TRABD2B: variants seen among roughly 807,000 people sequenced by gnomAD.
The protein encoded by TRABD2B is metalloprotease TIKI2.
TRABD2B carries 14 observed loss-of-function variants against 40.1 expected under a neutral mutation model. That is an observed-to-expected ratio of 0.35 (90% CI 0.23 to 0.55). The LOEUF (loss-of-function observed/expected upper bound fraction) is 0.55, where lower values mean the gene tolerates loss of function less well. TRABD2B is among the 20% of genes least tolerant of loss of function. TRABD2B has a pLI of 0.90. For missense variants in TRABD2B, 541 were observed against 648.6 expected (o/e 0.83, Z 1.80); for synonymous variants, 263 against 277.0 (o/e 0.95, Z 0.50).
intron 2 of TRABD2B, among the ~76,000 whole-genome samples, chr1:47,871,993 A>G (rs6659301): frequency 0.047 from 7,121 of 152,264 alleles, 303 homozygotes; most frequent in East Asian, 0.15. Context: ...GTCATCTTGC[A>G]TCTGCTCTGG....
At chr1:47,898,779 G>T (rs955575290) in intron 2 of TRABD2B, among the ~76,000 whole-genome samples, 1 of 152,138 alleles carries the variant, frequency 6.6e-6, no homozygotes, top group African/African-American at 2.4e-5. Context: ...GTTAAATGAT[G>T]TATGGATATA....
chr1:47,792,160 T>C (rs1262276320), intron 4 of TRABD2B, among the ~76,000 whole-genome samples: 2 of 152,232 alleles, frequency 1.3e-5, no homozygotes, highest in African/African-American at 4.8e-5. Flanking sequence ...AGTGGATTCA[T>C]GAGAGCGGAG....
At chr1:47,853,843 C>T (rs11211621) in intron 2 of TRABD2B, among the ~76,000 whole-genome samples, 48,633 of 152,138 alleles carry the variant, frequency 0.32, 8,104 homozygotes, top group Non-Finnish European at 0.37. Flanking sequence ...TCTTACTCTG[C>T]AATTATTCTC....
chr1:47,781,898 C>T (rs182112256), intron 4 of TRABD2B, among the ~76,000 whole-genome samples: 2 of 152,204 alleles, frequency 1.3e-5, no homozygotes, highest in East Asian at 1.9e-4. Context: ...CCAGTGCTCA[C>T]GACTCCATTC....
intron 4 of TRABD2B, among the ~76,000 whole-genome samples, chr1:47,792,249 A>G (rs1644685239): frequency 6.6e-6 from 1 of 152,102 alleles, no homozygotes; most frequent in Non-Finnish European, 1.5e-5. Context: ...AGGATGGGAG[A>G]CCCTGGTCAA....
At chr1:47,806,997 C>G (rs1569997242) in intron 2 of TRABD2B, among the ~76,000 whole-genome samples, 2 of 152,352 alleles carry the variant, frequency 1.3e-5, no homozygotes, top group South Asian at 2.1e-4. Context: ...TCCTGAGCAC[C>G]AGGCATTGTT....
chr1:47,930,934 G>C (rs1645032424), intron 2 of TRABD2B, among the ~76,000 whole-genome samples: 1 of 152,150 alleles, frequency 6.6e-6, no homozygotes, highest in Admixed American at 6.5e-5. Context: ...CTTCCTGATG[G>C]GAGCAATGTA....
Position 47,987,752 on chromosome 1 carries a change from G to A in TRABD2B, c.666+6282C>T, listed in dbSNP as rs547238596. On this transcript the variant is annotated intron_variant, in intron 2 of 6. Transcript: ENST00000606738. ...GCACATGCCCAGGGGTCCCTGCTAG[G>A]GGACACCCGGTGATGGACATTTGCT... Among the ~76,000 whole-genome samples, 8 of 152,306 alleles carry A rather than the reference G, an allele frequency of 5.3e-5. No individual in the cohort carries two copies. In the East Asian group the frequency reaches 1.2e-3, roughly 22 times the overall value.
chr1:47,848,627 A>C (rs771214180), intron 2 of TRABD2B, among the ~76,000 whole-genome samples: 1 of 152,230 alleles, frequency 6.6e-6, no homozygotes, highest in Non-Finnish European at 1.5e-5. Context: ...CAGCTTGCCC[A>C]TGACACAAAC....
At chr1:47,985,150 GT>G (rs1481413432) in intron 2 of TRABD2B, among the ~76,000 whole-genome samples, 1 of 152,210 alleles carries the variant, frequency 6.6e-6, no homozygotes, top group Admixed American at 6.5e-5. Context: ...CTACCCCAAG[GT>G]TACTTACACT....
chr1:47,819,311 C>G (rs12133158), intron 2 of TRABD2B: 34,542 of 152,288 alleles, frequency 0.23, 4,571 homozygotes, highest in South Asian at 0.47. Flanking sequence ...CCTGGAAAAG[C>G]GGGGCGCTTG....
chr1:47,799,594 T>C (rs1295643803), intron 3 of TRABD2B, among the ~76,000 whole-genome samples: 1 of 152,134 alleles, frequency 6.6e-6, no homozygotes, highest in Middle Eastern at 3.2e-3. Flanking sequence ...GGGACCAAGA[T>C]AGGCAGCACA....
At position 47,994,457 on chromosome 1, in the gene TRABD2B, A is replaced by C; in HGVS notation, c.243T>G (p.Arg81=). 1 of 1,536,162 alleles carries C rather than the reference A, an allele frequency of 6.5e-7. No homozygotes were observed. Among genetic ancestry groups the C allele is most frequent in the Non-Finnish European group, 8.7e-7 (1 of 1,146,912 alleles). Residue 81 remains arginine, a synonymous_variant, in exon 2 of 7, where the codon CGT becomes CGG. Coordinates refer to ENST00000606738, the MANE Select transcript of TRABD2B (RefSeq NM_001194986.2). The surrounding 1 kb of genome is among the most constrained non-coding windows in gnomAD (Gnocchi z 6.7). ...CTGTAAGGTCCAGCTCAAAGTAGAC[A>C]CGGGTGCTAGCCTGGAAGGCTGCCT... is the stretch of plus-strand genomic sequence containing the variant. The part of the protein sequence containing the change: ...NSKAAFQAST[R]VYFELDLTDP...
chr1:47,925,421 G>A (rs936125005), intron 2 of TRABD2B, among the ~76,000 whole-genome samples: 7 of 141,482 alleles, frequency 4.9e-5, no homozygotes, highest in African/African-American at 7.4e-5. Flanking sequence ...TTTACTTCAC[G>A]AGATTCAAGA....
chr1:47,916,126 C>CAT (rs1176291713), intron 2 of TRABD2B, among the ~76,000 whole-genome samples: 1 of 150,230 alleles, frequency 6.7e-6, no homozygotes, highest in African/African-American at 2.5e-5. Context: ...GGCTGCTCGC[C>CAT]TGCTCCTCAC....
At chr1:47,876,533 T>C (rs990850700) in intron 2 of TRABD2B, among the ~76,000 whole-genome samples, 2 of 152,156 alleles carry the variant, frequency 1.3e-5, no homozygotes, top group African/African-American at 4.8e-5. Flanking sequence ...GGCTTGTGTA[T>C]GGTGGTGGGG....
chr1:47,787,131 T>C (rs76514988), intron 4 of TRABD2B, among the ~76,000 whole-genome samples: 2,133 of 152,028 alleles, frequency 0.014, 23 homozygotes, highest in Middle Eastern at 0.024. Flanking sequence ...GGGAAGGAGG[T>C]TGGTGTGGGT....
At chr1:47,854,817 AT>A (rs1438751187) in intron 2 of TRABD2B, among the ~76,000 whole-genome samples, 1 of 151,164 alleles carries the variant, frequency 6.6e-6, no homozygotes, top group African/African-American at 2.5e-5. Context: ...AGTTTGTAGT[AT>A]TTTATTTAAA....
chr1:47,842,369 G>A (rs1047470583), intron 2 of TRABD2B, among the ~76,000 whole-genome samples: 4 of 152,064 alleles, frequency 2.6e-5, no homozygotes, highest in African/African-American at 9.7e-5. Context: ...CTTGCCTCAG[G>A]GCAGTAGACT....
Sources: allele counts gnomAD v4.1 joint callset (sites outside exome capture counted in the v4.1 genomes callset), GRCh38; gene constraint gnomAD v4.1.1; non-coding constraint Gnocchi (gnomAD v3.1); transcripts MANE v1.5; gene names NCBI Gene and HGNC (gene_info 2026-07-23, HGNC 2026-07-21).